Variants in HDAC9 observed in about 807,000 individuals in gnomAD.
HDAC9 encodes histone deacetylase 9.
A neutral mutation model predicts 139.4 loss-of-function variants in HDAC9; 41 were observed. The observed-to-expected ratio is 0.29, with a 90% CI of 0.23 to 0.38. The LOEUF (loss-of-function observed/expected upper bound fraction) is 0.38, where lower values mean the gene tolerates loss of function less well. Ranked by LOEUF, HDAC9 falls within the 10% of genes least tolerant of loss-of-function variation. HDAC9 has a pLI of 1.00. For synonymous variants in HDAC9, 517 were observed against 476.2 expected (o/e 1.09, Z -1.12); for missense variants, 1,147 against 1,297.0 (o/e 0.88, Z 1.78).
chr7:18,841,645 C>A (rs932515211), intron 21 of HDAC9, among the ~76,000 whole-genome samples: 12 of 152,052 alleles, frequency 7.9e-5, no homozygotes, highest in Admixed American at 7.2e-4. Context: ...GAACTGTAGT[C>A]CCTGTGTCAA....
rs559526513 is a variant in HDAC9, at chr7:18,331,457, G to A, written c.-42+40942G>A. Reference sequence around the variant, plus strand: ...AATATCAGACAAAAATGTAGCTGAGGAATATAGCACTACCTTTTATTAGTT... The same window carrying A: ...AATATCAGACAAAAATGTAGCTGAGAAATATAGCACTACCTTTTATTAGTT... On this transcript the variant is annotated intron_variant, in intron 1 of 3. Transcript: ENST00000413509. 1.4e-3 allele frequency among the ~76,000 whole-genome samples: 215 copies of A among 151,662 alleles called. 1 individual carries two copies. Among genetic ancestry groups the A allele is most frequent in the Non-Finnish European group, 2.1e-3 (142 of 67,688 alleles).
chr7:18,822,297 C>A (rs1209368620), intron 17 of HDAC9, among the ~76,000 whole-genome samples: 1 of 152,136 alleles, frequency 6.6e-6, no homozygotes. Flanking sequence ...TACAAAAAGA[C>A]ACCTTTCACT....
intron 1 of HDAC9, among the ~76,000 whole-genome samples, chr7:18,156,532 G>T (rs562257752): frequency 1.2e-4 from 19 of 152,236 alleles, no homozygotes; most frequent in African/African-American, 4.1e-4. Context: ...CAGAATCATT[G>T]GTCAAGTTCT....
chr7:18,800,182 T>C (rs936618380), intron 17 of HDAC9, among the ~76,000 whole-genome samples: 8 of 152,228 alleles, frequency 5.3e-5, no homozygotes, highest in Admixed American at 4.6e-4. Context: ...TCAAAAATGA[T>C]GGTGAATTTA....
intron 22 of HDAC9, among the ~76,000 whole-genome samples, chr7:18,878,658 T>A (rs1799500919): frequency 6.6e-6 from 1 of 152,084 alleles, no homozygotes; most frequent in South Asian, 2.1e-4. Flanking sequence ...AAGGAACATA[T>A]CTCAAAATAA....
At position 18,359,732 on chromosome 7, in the gene HDAC9, C is replaced by T. The variant is rs533731914; in HGVS notation, c.-42+69217C>T. Among the ~76,000 whole-genome samples the T allele has an allele frequency of 2.1e-4, 32 of 152,270 alleles. No homozygotes were observed. The South Asian group carries it at 6.2e-3, about 30-fold the overall frequency. On this transcript the variant is annotated intron_variant, in intron 1 of 3. Coordinates refer to the HDAC9 transcript ENST00000413509. The stretch of plus-strand genomic sequence containing the variant: ...CAAGCAATTCTCCTGCCTCAGCCTC[C>T]CGAGTAGCTGGGACCACAGGCACGC...
chr7:18,145,758 A>G (rs780330465), intron 1 of HDAC9, among the ~76,000 whole-genome samples: 3 of 152,274 alleles, frequency 2.0e-5, no homozygotes, highest in South Asian at 2.1e-4. Flanking sequence ...AATCTTTGAT[A>G]GGGGTTGTAT....
At chr7:18,918,895 G>A (rs1406388945) in intron 22 of HDAC9, among the ~76,000 whole-genome samples, 1 of 151,988 alleles carries the variant, frequency 6.6e-6, no homozygotes, top group Non-Finnish European at 1.5e-5. Flanking sequence ...GAGAATCACG[G>A]CCTCTCATAT....
chr7:18,910,956 G>A (rs1319643541), intron 22 of HDAC9, among the ~76,000 whole-genome samples: 1 of 151,694 alleles, frequency 6.6e-6, no homozygotes, highest in Admixed American at 6.6e-5. Context: ...GGTAATATTG[G>A]CCTCATAGAA....
chr7:18,264,845 C>A (rs993425328), intron 2 of HDAC9, among the ~76,000 whole-genome samples: 2 of 152,090 alleles, frequency 1.3e-5, no homozygotes, highest in African/African-American at 4.8e-5. Flanking sequence ...GTTGTTTATG[C>A]AAGTGAATTT....
At chr7:18,503,209 C>T (rs972600390) in intron 2 of HDAC9, among the ~76,000 whole-genome samples, 14 of 152,134 alleles carry the variant, frequency 9.2e-5, no homozygotes, top group African/African-American at 1.7e-4. Flanking sequence ...CATGGTCCCC[C>T]CTGTTTTTGA....
chr7:18,439,349 A>C (rs1175201945), intron 1 of HDAC9, among the ~76,000 whole-genome samples: 4 of 152,334 alleles, frequency 2.6e-5, no homozygotes, highest in East Asian at 3.9e-4. Context: ...TTGACTTCCC[A>C]ATAGCAATGA....
rs533804533 is a variant in HDAC9, at chr7:18,437,568, C to A, written c.-41-58694C>A. ...AATCTGGAAATTATATATATATAAT[C>A]TGAAAGTTTATATATATATATAAAC... On this transcript the variant is annotated intron_variant, in intron 1 of 3. Coordinates refer to the HDAC9 transcript ENST00000413509. Among the ~76,000 whole-genome samples, 469 of 148,964 alleles carry A rather than the reference C, an allele frequency of 3.1e-3. 1 individual carries two copies. Among genetic ancestry groups the A allele is most frequent in the Non-Finnish European group, 5.4e-3 (363 of 67,372 alleles).
At chr7:18,665,876 A>T (rs1794721193) in intron 11 of HDAC9, among the ~76,000 whole-genome samples, 1 of 152,072 alleles carries the variant, frequency 6.6e-6, no homozygotes, top group African/African-American at 2.4e-5. Context: ...CTTTCAAAAC[A>T]TGTCCTTTTG....
At chr7:18,390,003 A>G (rs998611213) in intron 1 of HDAC9, among the ~76,000 whole-genome samples, 4 of 149,972 alleles carry the variant, frequency 2.7e-5, no homozygotes, top group African/African-American at 9.8e-5. Context: ...CTGAAAAAAT[A>G]AGATATTTTT....
Position 18,634,664 on chromosome 7 carries a change from C to T in HDAC9, c.834C>T (p.Pro278=). 1 of 1,592,428 alleles carries T rather than the reference C, an allele frequency of 6.3e-7. No homozygotes were observed. Among genetic ancestry groups the T allele is most frequent in the Non-Finnish European group, 8.6e-7 (1 of 1,168,180 alleles). The change falls in exon 8 of 26, where the codon CCC becomes CCT. Residue 278 remains proline (P), a synonymous_variant. Coordinates refer to ENST00000686413, the MANE Select transcript of HDAC9 (RefSeq NM_178425.4). ...GTAGCAGTTCTCCAGGCTCTGGTCC[C>T]AGTTCACCAAACAATGGGCCAACTG... ...SVSSSSPGSG[P]SSPNNGPTGS...
chr7:18,137,311 A>G (rs941039368), intron 1 of HDAC9, among the ~76,000 whole-genome samples: 5 of 147,178 alleles, frequency 3.4e-5, no homozygotes, highest in Admixed American at 6.7e-5. Context: ...TCTCCTGCCT[A>G]ATTGCCCTGG....
chr7:18,921,676 C>T (rs1268286967), intron 22 of HDAC9, among the ~76,000 whole-genome samples: 2 of 152,114 alleles, frequency 1.3e-5, no homozygotes, highest in Non-Finnish European at 2.9e-5. Flanking sequence ...GTGGCAATTC[C>T]TTAGGGATCT....
intron 1 of HDAC9, among the ~76,000 whole-genome samples, chr7:18,443,640 T>C (rs994301072): frequency 6.6e-6 from 1 of 152,138 alleles, no homozygotes; most frequent in Non-Finnish European, 1.5e-5. Flanking sequence ...GAATATTTGG[T>C]TTAAAACTAA....
Sources: gnomAD v4.1 joint callset for allele counts (sites outside exome capture counted in the v4.1 genomes callset) on GRCh38, gnomAD v4.1.1 for gene constraint, MANE v1.5 for transcripts, NCBI Gene and HGNC (gene_info 2026-07-23, HGNC 2026-07-21) for gene names.